Variants in ADK observed in about 807,000 individuals in gnomAD.
The protein encoded by ADK is N6,N6-dimethyladenosine kinase.
In ADK, 24 loss-of-function variants were observed where a neutral mutation model predicts 44.7. That is an observed-to-expected ratio of 0.54 (90% CI 0.39 to 0.76). ADK has a LOEUF of 0.76. ADK is among the 30% of genes least tolerant of loss of function. ADK has a pLI of 0.00. For synonymous variants in ADK, 128 were observed against 142.6 expected (o/e 0.90, Z 0.73); for missense variants, 321 against 425.1 (o/e 0.76, Z 2.15).
intron 3 of ADK, among the ~76,000 whole-genome samples, chr10:74,258,695 A>C (rs1845917710): frequency 6.6e-6 from 1 of 152,202 alleles, no homozygotes; most frequent in South Asian, 2.1e-4. Context: ...ATTCTGATAA[A>C]AATCAAAGAT....
intron 1 of ADK, among the ~76,000 whole-genome samples, chr10:74,192,555 T>C (rs978323239): frequency 8.2e-5 from 12 of 146,848 alleles, no homozygotes; most frequent in African/African-American, 2.8e-4. Flanking sequence ...ACAGATATGG[T>C]TTTGCTCTCT....
At chr10:74,632,060 G>A (rs115400817) in intron 9 of ADK, among the ~76,000 whole-genome samples, 2,625 of 151,620 alleles carry the variant, frequency 0.017, 66 homozygotes, top group African/African-American at 0.061. Flanking sequence ...CCGTGACCAC[G>A]ATCAATTTTA....
intron 7 of ADK, among the ~76,000 whole-genome samples, chr10:74,533,814 A>C (rs1264551096): frequency 6.6e-6 from 1 of 152,202 alleles, no homozygotes; most frequent in African/African-American, 2.4e-5. Context: ...TGTCCATGTA[A>C]AGACATACAC....
intron 9 of ADK, 64 bp from the exon 10 acceptor site, chr10:74,670,118 TG>T: frequency 8.1e-7 from 1 of 1,241,838 alleles, no homozygotes; most frequent in Non-Finnish European, 1.2e-6. Context: ...CAGATGTTAC[TG>T]GGTGAGCTTG....
chr10:74,600,795 T>C (rs1235764067), intron 9 of ADK, among the ~76,000 whole-genome samples: 1 of 152,006 alleles, frequency 6.6e-6, no homozygotes, highest in Non-Finnish European at 1.5e-5. Context: ...ACATTTCATT[T>C]ATAAAATACC....
intron 9 of ADK, among the ~76,000 whole-genome samples, chr10:74,652,119 G>T (rs1276030559): frequency 1.4e-5 from 2 of 147,446 alleles, no homozygotes; most frequent in East Asian, 4.1e-4. Flanking sequence ...TGGCTCAACT[G>T]CAACCTCTGC....
intron 6 of ADK, among the ~76,000 whole-genome samples, chr10:74,485,275 A>G (rs543706622): frequency 1.6e-3 from 249 of 152,208 alleles, no homozygotes; most frequent in Middle Eastern, 0.01. Flanking sequence ...TGAAGGAATG[A>G]AAAATTGTTC....
At chr10:74,483,173 C>T (rs1314874184) in intron 6 of ADK, among the ~76,000 whole-genome samples, 1 of 152,170 alleles carries the variant, frequency 6.6e-6, no homozygotes, top group East Asian at 1.9e-4. Flanking sequence ...GAAATCTAGG[C>T]AGAGGCTCCC....
chr10:74,497,426 G>A (rs1847731190), intron 6 of ADK, among the ~76,000 whole-genome samples: 1 of 152,054 alleles, frequency 6.6e-6, no homozygotes, highest in Non-Finnish European at 1.5e-5. Flanking sequence ...TCAGCTGTCT[G>A]GAATTCCTCA....
At chr10:74,443,400 T>C (rs143221779) in intron 6 of ADK, among the ~76,000 whole-genome samples, 3 of 152,140 alleles carry the variant, frequency 2.0e-5, no homozygotes, top group Non-Finnish European at 4.4e-5. Flanking sequence ...TGCTGCAACA[T>C]AGATAAACCT....
chr10:74,447,761 C>CA (rs1434895947), intron 6 of ADK, among the ~76,000 whole-genome samples: 1 of 151,978 alleles, frequency 6.6e-6, no homozygotes, highest in Non-Finnish European at 1.5e-5. Context: ...AAAAAAGCAC[C>CA]AAAAAATGCT....
At chr10:74,653,063 A>G (rs1011284947) in intron 9 of ADK, among the ~76,000 whole-genome samples, 3 of 152,144 alleles carry the variant, frequency 2.0e-5, no homozygotes, top group Non-Finnish European at 2.9e-5. Context: ...AGATTATTCA[A>G]TCTTTCCCAG....
chr10:74,361,133 G>A (rs1382519660), intron 4 of ADK, among the ~76,000 whole-genome samples: 3 of 152,030 alleles, frequency 2.0e-5, no homozygotes, highest in African/African-American at 7.2e-5. Flanking sequence ...CTCAAACTCC[G>A]GACCTCATGA....
chr10:74,708,545 T>C lies in ADK; in HGVS notation c.*100T>C. ...AAGAAGAAAATTATCTGCCATTTTT[T>C]CCTACTATAATAATGCTGAATCTTA... On this transcript the variant is annotated 3_prime_UTR_variant, in exon 11 of 11. Transcript: ENST00000539909. 1 of 1,361,248 alleles carries C rather than the reference T, an allele frequency of 7.3e-7. No homozygotes were observed. The highest frequency in any genetic ancestry group is 1.2e-5 in the South Asian group (1 of 81,770). The allele number at this position is 1,361,248 out of a possible 1,614,324, so 84.3% of individuals were successfully genotyped here. A position where few individuals can be genotyped will look rare whatever the true frequency, so the allele number is the denominator to read the frequency against.
chr10:74,362,149 A>C (rs1303069501), intron 4 of ADK, among the ~76,000 whole-genome samples: 1 of 152,038 alleles, frequency 6.6e-6, no homozygotes, highest in Non-Finnish European at 1.5e-5. Context: ...TCCTTGTATA[A>C]GTTTTCTACC....
intron 8 of ADK, among the ~76,000 whole-genome samples, chr10:74,598,367 A>C (rs1169693441): frequency 6.8e-6 from 1 of 147,832 alleles, no homozygotes; most frequent in Non-Finnish European, 1.5e-5. Context: ...CATTTCTTTG[A>C]TTAAATTACC....
At chr10:74,275,268 G>A (rs1202665312) in intron 3 of ADK, among the ~76,000 whole-genome samples, 1 of 152,010 alleles carries the variant, frequency 6.6e-6, no homozygotes, top group Non-Finnish European at 1.5e-5. Flanking sequence ...AAGCTTTTTT[G>A]GGCTGATAAG....
At chr10:74,429,081 T>G (rs1006192831) in intron 6 of ADK, among the ~76,000 whole-genome samples, 3 of 152,228 alleles carry the variant, frequency 2.0e-5, no homozygotes, top group African/African-American at 7.2e-5. Context: ...TGTGTTTTTA[T>G]TTTTGGAACT....
At position 74,525,217 on chromosome 10, in the gene ADK, A is replaced by T. The variant is rs756584162; in HGVS notation, c.556-39A>T. The T allele has an allele frequency of 1.9e-6, 3 of 1,574,912 alleles. No individual in the cohort carries two copies. The East Asian group carries it at 6.7e-5, about 35-fold the overall frequency. ...ATTCTCACTGAGAGTGACTGTGGAG[A>T]TGGTATTTCTAATTTTCCCTCCTTT... On this transcript the variant is annotated intron_variant, in intron 6 of 10. Coordinates refer to ENST00000539909, the MANE Select transcript of ADK (RefSeq NM_006721.4).
Sources: gnomAD v4.1 joint callset for allele counts (sites outside exome capture counted in the v4.1 genomes callset) on GRCh38, gnomAD v4.1.1 for gene constraint, MANE v1.5 for transcripts, NCBI Gene and HGNC (gene_info 2026-07-23, HGNC 2026-07-21) for gene names.